Variants in MYH3 observed in about 807,000 individuals in gnomAD.
MYH3 encodes myosin-3.
A neutral mutation model predicts 238.0 loss-of-function variants in MYH3; 130 were observed. That is an observed-to-expected ratio of 0.55 (90% CI 0.47 to 0.63). The LOEUF is 0.63. Among genes scored for constraint, MYH3 ranks in the 30% least tolerant of loss-of-function variants. The probability of loss-of-function intolerance (pLI) is 0.00; values close to 1 mark genes in which losing one functional copy is unlikely to be tolerated. For missense variants in MYH3, 1,853 were observed against 2,374.9 expected (o/e 0.78, Z 4.57); for synonymous variants, 880 against 924.1 (o/e 0.95, Z 0.86).
At chr17:10,670,594 C>A in the MYH3 span, among the ~76,000 whole-genome samples, 1 of 152,096 alleles carries the variant, frequency 6.6e-6, no homozygotes, top group African/African-American at 2.4e-5. This position sits in a 1 kb window ranked among gnomAD's most constrained non-coding sequence, Gnocchi z 7.0. Context: ...CAAGCACATG[C>A]CACAGTGCCC....
chr17:10,663,117 G>GAAATA, the MYH3 span, among the ~76,000 whole-genome samples: 31,478 of 151,374 alleles, frequency 0.21, 3,459 homozygotes, highest in Non-Finnish European at 0.25. Context: ...AAAGTAAACT[G>GAAATA]AAATAAAATA....
chr17:10,659,225 G>T (rs2142440275), upstream of MYH3: 1 of 152,328 alleles, frequency 6.6e-6, no homozygotes, highest in South Asian at 2.1e-4. Context: ...AGACAGAAAA[G>T]AAATATTCCC....
At chr17:10,656,675 A>T (rs917999136) in intron 1 of MYH3, among the ~76,000 whole-genome samples, 1 of 152,200 alleles carries the variant, frequency 6.6e-6, no homozygotes, top group Non-Finnish European at 1.5e-5. Context: ...GGTTTCTCTC[A>T]GCCTGCACTG....
In MYH3 at chr17:10,635,626, A is replaced by C. The variant is rs181080496; in HGVS notation, c.3976-63T>G. 45 of 1,614,052 alleles carry C rather than the reference A, an allele frequency of 2.8e-5. No homozygotes were observed. In the Admixed American group the frequency reaches 3.8e-4, roughly 14 times the overall value. On this transcript the variant is annotated intron_variant, in intron 29 of 40. Coordinates refer to ENST00000583535, the MANE Select transcript of MYH3 (RefSeq NM_002470.4). ...TAGTGCCAGGTGCATGATACAATCC[A>C]AGTGTGTCCCTTCTATCACCACCTT...
chr17:10,638,128 T>A lies in MYH3; in HGVS notation c.3644A>T (p.Lys1215Met). ...GEQIDNLQRVKQKLEKEKSEF... is the reference protein window; with the variant it reads ...GEQIDNLQRVMQKLEKEKSEF... Reference sequence around the variant, plus strand: ...GCTCTTCTCCTTCTCCAGCTTCTGCTTGACCCGCTGCAGGTTGTCAATCTG... The same window carrying A: ...GCTCTTCTCCTTCTCCAGCTTCTGCATGACCCGCTGCAGGTTGTCAATCTG... The change falls in exon 27 of 41, where the codon AAG becomes ATG. Residue 1215 changes from lysine (K) to methionine (M), a missense_variant. By Grantham distance (95) the Lys-to-Met change is moderately conservative. Transcript: ENST00000583535. 1 of 1,613,828 alleles carries A rather than the reference T, an allele frequency of 6.2e-7. No homozygotes were observed.
In MYH3 at chr17:10,651,456, G is replaced by A. The variant is rs1016126028; in HGVS notation, c.505+56C>T. The A allele has an allele frequency of 1.2e-5, 19 of 1,611,028 alleles. No individual in the cohort carries two copies. The African/African-American group carries it at 1.7e-4, about 15-fold the overall frequency. On this transcript the variant is annotated intron_variant, in intron 5 of 40. Coordinates refer to ENST00000583535, the MANE Select transcript of MYH3 (RefSeq NM_002470.4). Reference sequence around the variant, plus strand: ...AGCCTGGGAGTAAGGGGCAACTGCCGCTCGCCTCATGCAGTGCCTGCTCCA... The same window carrying A: ...AGCCTGGGAGTAAGGGGCAACTGCCACTCGCCTCATGCAGTGCCTGCTCCA...
In MYH3 at chr17:10,645,588, G is replaced by A; in HGVS notation, c.1141+119C>T. The A allele has an allele frequency of 3.1e-6, 4 of 1,311,056 alleles. 1 individual carries two copies. In the South Asian group the frequency reaches 4.7e-5, roughly 15 times the overall value. 81.2% of individuals were successfully genotyped at this position (1,311,056 alleles called of 1,614,324 possible). A position where few individuals can be genotyped will look rare whatever the true frequency, so the allele number is the denominator to read the frequency against. ...TCTGGCCCCCTCAGCCTCCCAAAGT[G>A]CTGGGATTACAGGTGTGAGCCACTG... is the stretch of plus-strand genomic sequence containing the variant. On this transcript the variant is annotated intron_variant, in intron 12 of 40. Transcript: ENST00000583535.
Position 10,641,387 on chromosome 17 carries a change from A to G in MYH3, c.1960-15T>C. On this transcript the variant is annotated splice_polypyrimidine_tract_variant and intron_variant, in intron 17 of 40. Coordinates refer to ENST00000583535, the MANE Select transcript of MYH3 (RefSeq NM_002470.4). The stretch of plus-strand genomic sequence containing the variant: ...TTCAGGTTTTCCTAAGAGAAAAAAA[A>G]AATGACATTTGCCATCCTACTGTAG... 6.3e-7 allele frequency: 1 copy of G among 1,579,890 alleles called. No individual in the cohort carries two copies. The highest frequency in any genetic ancestry group is 2.2e-5 in the East Asian group (1 of 44,726).
At chr17:10,638,784 C>T in intron 26 of MYH3, 89 bp downstream of exon 26, 1 of 1,365,212 alleles carries the variant, frequency 7.3e-7, no homozygotes, top group South Asian at 1.2e-5. Context: ...CACAGTCTTG[C>T]CCACTTTCTC....
At chr17:10,664,034 G>C in the MYH3 span, among the ~76,000 whole-genome samples, 1 of 135,006 alleles carries the variant, frequency 7.4e-6, no homozygotes, top group African/African-American at 2.9e-5. Flanking sequence ...TTGCACTCCA[G>C]CCTGGGTGAC....
At chr17:10,633,203 GA>G (rs202064539) in intron 33 of MYH3, among the ~76,000 whole-genome samples, 3,012 of 150,616 alleles carry the variant, frequency 0.02, 93 homozygotes, top group African/African-American at 0.069. Context: ...TCTGTCTCAA[GA>G]AAAAAAAAGT....
At position 10,634,927 on chromosome 17, in the gene MYH3, T is replaced by C. The variant is rs1194330975; in HGVS notation, c.4269A>G (p.Gln1423=). ...ASLEKTKQRL[Q]GEVEDLMVDV... is the part of the protein sequence containing the mutation. ...CAACCATCAGATCCTCCACCTCTCC[T>C]TGCAGCCTCTGCTTGGTCTTCTCCA... Residue 1423 remains glutamine (Q), a synonymous_variant, in exon 31 of 41, where the codon CAA becomes CAG. Coordinates refer to ENST00000583535, the MANE Select transcript of MYH3 (RefSeq NM_002470.4). The C allele has an allele frequency of 6.2e-7, 1 of 1,614,104 alleles. No homozygotes were observed. The highest frequency in any genetic ancestry group is 8.5e-7 in the Non-Finnish European group (1 of 1,180,020).
chr17:10,637,729 C>A (rs1017722178), intron 28 of MYH3, 80 bp downstream of exon 28: 14 of 1,588,974 alleles, frequency 8.8e-6, no homozygotes, highest in African/African-American at 1.3e-5. Flanking sequence ...CTCAAACACA[C>A]CCTGCCCTTG....
In MYH3 at chr17:10,639,381, C is replaced by A. The variant is rs1289314190; in HGVS notation, c.3019G>T (p.Ala1007Ser). The A allele has an allele frequency of 1.9e-6, 3 of 1,614,002 alleles. No individual in the cohort carries two copies. The African/African-American group carries it at 4.0e-5, about 22-fold the overall frequency. Reference sequence around the variant, plus strand: ...TCTTCAGCTTGGAGGTCATCCAAGGCCTGCTGGTGCGCCTCTTGGAGGGCC... The same window carrying A: ...TCTTCAGCTTGGAGGTCATCCAAGGACTGCTGGTGCGCCTCTTGGAGGGCC... ...KKALQEAHQQ[A>S]LDDLQAEEDK... Residue 1007 changes from alanine to serine, a missense_variant, in exon 24 of 41, where the codon GCC becomes TCC. Ala to Ser is a moderately conservative substitution (Grantham distance 99). Coordinates refer to ENST00000583535, the MANE Select transcript of MYH3 (RefSeq NM_002470.4).
chr17:10,644,591 A>G lies in MYH3; in HGVS notation c.1253T>C (p.Val418Ala). The G allele has an allele frequency of 1.9e-6, 3 of 1,613,998 alleles. No individual in the cohort carries two copies. Among genetic ancestry groups the G allele is most frequent in the Non-Finnish European group, 2.5e-6 (3 of 1,179,828 alleles). ...GNEYVTKGQT[V>A]DQVHHAVNAL... ...CGGCCTTGAAGCTGTTACCTGATCC[A>G]CAGTTTGACCTTTGGTAACGTACTC... The change falls in exon 13 of 41, where the codon GTG becomes GCG. Residue 418 changes from valine to alanine, a missense_variant. Physicochemically the swap from Val to Ala is moderately conservative, Grantham distance 64 (BLOSUM62 0). This residue lies in a region of MYH3 where 678 missense variants were observed against 1,058.9 expected (regional missense o/e 0.64). Coordinates refer to ENST00000583535, the MANE Select transcript of MYH3 (RefSeq NM_002470.4).
At chr17:10,635,113 T>C in intron 30 of MYH3, 90 bp from the exon 31 acceptor site, 1 of 1,445,898 alleles carries the variant, frequency 6.9e-7, no homozygotes, top group Non-Finnish European at 9.6e-7. Context: ...CTAATCTATG[T>C]GATTCAGACA....
the MYH3 span, chr17:10,675,970 G>A: frequency 6.6e-6 from 1 of 152,094 alleles, no homozygotes; most frequent in Non-Finnish European, 1.5e-5. Flanking sequence ...GAAATCAAAG[G>A]ACCAAATTAT....
rs146892292 is a variant in MYH3 at position 10,647,407 on chromosome 17, T to A, written c.755A>T (p.His252Leu). Reference protein sequence around the residue: ...SSRFGKFIRIHFGTTGKLASA... With the variant: ...SSRFGKFIRILFGTTGKLASA... ...GGCCAGCTTCCCAGTGGTTCCAAAA[T>A]GGATTCGGATGAACTTGCCCTGTAT... Residue 252 changes from histidine (H) to leucine (L), a missense_variant, in exon 9 of 41, where the codon CAT becomes CTT. Around this residue, in one of 3 missense-constraint regions of MYH3, gnomAD observed 678 missense variants for 1,058.9 expected, o/e 0.64. Transcript: ENST00000583535. 1.1e-5 allele frequency: 17 copies of A among 1,614,128 alleles called. No individual in the cohort carries two copies. Among genetic ancestry groups the A allele is most frequent in the Admixed American group, 1.7e-5 (1 of 60,014 alleles).
At position 10,642,799 on chromosome 17, in the gene MYH3, G is replaced by A. The variant is rs1035476919; in HGVS notation, c.1581+27C>T. ...ATGAGCAGAAGAGTCTATGAGAAGA[G>A]CTTACGGTGGGGATGGAACTGGATA... On this transcript the variant is annotated intron_variant, in intron 15 of 40. Transcript: ENST00000583535. This position sits in a 1 kb window ranked among gnomAD's most constrained non-coding sequence, Gnocchi z 5.4. 12 of 1,614,022 alleles carry A rather than the reference G, an allele frequency of 7.4e-6. No homozygotes were observed. In the South Asian group the frequency reaches 1.3e-4, roughly 18 times the overall value.
Sources: allele counts gnomAD v4.1 joint callset (sites outside exome capture counted in the v4.1 genomes callset), GRCh38; gene constraint gnomAD v4.1.1; regional missense constraint gnomAD v4.1.1; non-coding constraint Gnocchi (gnomAD v3.1); transcripts MANE v1.5; gene names NCBI Gene and HGNC (gene_info 2026-07-23, HGNC 2026-07-21).